The following FAM161B variants were observed in gnomAD, a reference collection of about 807,000 sequenced individuals.
FAM161B encodes protein FAM161B.
A neutral mutation model predicts 61.5 loss-of-function variants in FAM161B; 46 were observed. The observed-to-expected ratio is 0.75, with a 90% CI of 0.59 to 0.96. FAM161B has a LOEUF of 0.96. Among genes scored for constraint, FAM161B ranks in the 40% least tolerant of loss-of-function variants. The probability of loss-of-function intolerance (pLI) is 0.00; values close to 1 mark genes in which losing one functional copy is unlikely to be tolerated. For synonymous variants in FAM161B, 284 were observed against 302.7 expected (o/e 0.94, Z 0.64); for missense variants, 774 against 800.7 (o/e 0.97, Z 0.40).
chr14:73,948,616 A>G (rs1212110753), intron 1 of FAM161B, among the ~76,000 whole-genome samples: 1 of 152,224 alleles, frequency 6.6e-6, no homozygotes, highest in Non-Finnish European at 1.5e-5. Flanking sequence ...TTTCTATACA[A>G]TATATTCACT....
chr14:73,924,694 TG>T, the FAM161B span: 1 of 449,812 alleles, frequency 2.2e-6, no homozygotes, highest in South Asian at 1.6e-5. Flanking sequence ...TTTTTTTTTT[TG>T]AGACAGAGTC....
chr14:73,946,790 T>C (rs2056071474), intron 1 of FAM161B, among the ~76,000 whole-genome samples, 185 bp from the exon 2 acceptor site: 1 of 152,220 alleles, frequency 6.6e-6, no homozygotes, highest in African/African-American at 2.4e-5. Context: ...AAATAAGGTG[T>C]GTTTCTTGGT....
rs770935169 is a variant in FAM161B, at chr14:73,934,444, CAG to C, written c.1806-52_1806-51del. ...AAACAAAAAAAATTTTTTTTTCAGA[CAG>C]GGTCTCACTCTCACCCAGGCTGGAG... is the stretch of plus-strand genomic sequence containing the variant. On this transcript the variant is annotated intron_variant, in intron 8 of 8. Coordinates refer to ENST00000286544, the MANE Select transcript of FAM161B (RefSeq NM_152445.3). The C allele has an allele frequency of 5.2e-6, 8 of 1,552,138 alleles. No homozygotes were observed. In the African/African-American group the frequency reaches 5.5e-5, roughly 11 times the overall value.
chr14:73,924,987 CATT>C, the FAM161B span, among the ~76,000 whole-genome samples: 92 of 152,272 alleles, frequency 6.0e-4, no homozygotes, highest in African/African-American at 2.1e-3. Context: ...TTCTTCTTTT[CATT>C]ATAACCTTTA....
At position 73,942,533 on chromosome 14, in the gene FAM161B, GA is replaced by G. The variant is rs1424666229; in HGVS notation, c.1107del (p.Pro370LeufsTer34). The G allele has an allele frequency of 1.9e-5, 31 of 1,614,218 alleles. No homozygotes were observed. Among genetic ancestry groups the G allele is most frequent in the Non-Finnish European group, 2.5e-5 (30 of 1,180,040 alleles). ...AGGCCCTCATAGTCAGGGACCACAG[GA>G]TTCACCCGAGGCTGGAATCTGAAGT... The part of the protein sequence containing the change: ...HTNFRFQPRV[N>X]PVVPDYEGLY... On this transcript the variant is annotated frameshift_variant, in exon 4 of 9. Transcript: ENST00000286544. LOFTEE classifies it high-confidence loss of function.
At chr14:73,931,834 T>C, downstream of FAM161B, 1 of 444,604 alleles carries the variant, frequency 2.2e-6, no homozygotes, top group Non-Finnish European at 4.3e-6. Flanking sequence ...TGATTATGTG[T>C]TGGCTGAAGT....
chr14:73,940,852 G>A, intron 5 of FAM161B, 74 bp downstream of exon 5: 2 of 1,529,380 alleles, frequency 1.3e-6, no homozygotes, highest in Non-Finnish European at 8.8e-7. Context: ...AGGAAAGGAG[G>A]CCCCTTGGCA....
At chr14:73,932,118 A>G (rs546299626), downstream of FAM161B, 16 of 439,124 alleles carry the variant, frequency 3.6e-5, no homozygotes, top group African/African-American at 8.1e-5. Context: ...CTGAGGTACT[A>G]TCTTGTCCTA....
intron 8 of FAM161B, among the ~76,000 whole-genome samples, chr14:73,935,664 TAAAGTAG>T (rs1566672603): frequency 6.6e-6 from 1 of 152,104 alleles, no homozygotes; most frequent in Non-Finnish European, 1.5e-5. Flanking sequence ...TCTTCAAAAA[TAAAGTAG>T]AAATAGTTTC....
At chr14:73,945,123 TGA>T (rs1371534714) in intron 2 of FAM161B, among the ~76,000 whole-genome samples, 2 of 152,194 alleles carry the variant, frequency 1.3e-5, no homozygotes, top group Non-Finnish European at 2.9e-5. Flanking sequence ...ATATTTCATA[TGA>T]GAGAGAGAAC....
chr14:73,927,691 A>C (rs999151863), downstream of FAM161B, among the ~76,000 whole-genome samples: 2 of 152,178 alleles, frequency 1.3e-5, no homozygotes, highest in Admixed American at 6.5e-5. Context: ...GGTACTAGTT[A>C]TACAATAGTA....
chr14:73,936,368 G>A (rs1004962101), intron 7 of FAM161B, among the ~76,000 whole-genome samples: 1 of 152,068 alleles, frequency 6.6e-6, no homozygotes, highest in Non-Finnish European at 1.5e-5. Context: ...CTGTTGATTT[G>A]GGAGTCACAA....
chr14:73,944,686 G>A lies in FAM161B; in HGVS notation c.574C>T (p.Pro192Ser), dbSNP rs1320985314. Reference protein sequence around the residue: ...ARKKAEWLGSPASFEQERQRA... With the variant: ...ARKKAEWLGSSASFEQERQRA... Reference sequence around the variant, plus strand: ...TGCCTCTCCTGCTCAAAGGAGGCAGGTGAGCCCAGCCACTCGGCCTTCTTC... The same window carrying A: ...TGCCTCTCCTGCTCAAAGGAGGCAGATGAGCCCAGCCACTCGGCCTTCTTC... Residue 192 changes from proline (P) to serine (S), a missense_variant, in exon 3 of 9, where the codon CCT becomes TCT. Physicochemically the swap from Pro to Ser is moderately conservative, Grantham distance 74. Transcript: ENST00000286544. 6.2e-7 allele frequency: 1 copy of A among 1,609,386 alleles called. No individual in the cohort carries two copies. Among genetic ancestry groups the A allele is most frequent in the South Asian group, 1.1e-5 (1 of 90,964 alleles).
In FAM161B at chr14:73,937,633, G is replaced by A. The variant is rs1309567097; in HGVS notation, c.1634C>T (p.Thr545Ile). The change falls in exon 7 of 9, where the codon ACA becomes ATA. Residue 545 changes from threonine (T) to isoleucine (I), a missense_variant. Coordinates refer to ENST00000286544, the MANE Select transcript of FAM161B (RefSeq NM_152445.3). ...ELEEMKQRIQ[T>I]RPYLFEQVAK... ...AACTTGTTCAAAGAGATAGGGCCTTGTTTGTATTCGCTGCTTCATTTCCTC... is the reference window on the plus strand; with the variant it reads ...AACTTGTTCAAAGAGATAGGGCCTTATTTGTATTCGCTGCTTCATTTCCTC... 6.2e-7 allele frequency: 1 copy of A among 1,613,966 alleles called. No homozygotes were observed. Among genetic ancestry groups the A allele is most frequent in the African/African-American group, 1.3e-5 (1 of 74,920 alleles).
Position 73,932,546 on chromosome 14 carries a change from TTGAGAAA to T in FAM161B, c.*1703_*1709del. 2.3e-6 allele frequency: 1 copy of T among 441,170 alleles called. No individual in the cohort carries two copies. The highest frequency in any genetic ancestry group is 2.6e-5 in the Admixed American group (1 of 38,268). The allele number at this position is 441,170 out of a possible 1,614,324, so 27.3% of individuals were successfully genotyped here. Reference sequence around the variant, plus strand: ...ACAAAGATAGTTTTTTTAAAAAAGCTTGAGAAAGGTGCTTTAGTTAGAGCAGGCACTC... The same window carrying T: ...ACAAAGATAGTTTTTTTAAAAAAGCTGGTGCTTTAGTTAGAGCAGGCACTC... On this transcript the variant is annotated 3_prime_UTR_variant, in exon 9 of 9. Coordinates refer to ENST00000286544, the MANE Select transcript of FAM161B (RefSeq NM_152445.3).
intron 4 of FAM161B, 55 bp from the exon 5 acceptor site, chr14:73,941,108 CTTTTTTTTTTTTT>C: frequency 3.1e-6 from 3 of 955,300 alleles, no homozygotes; most frequent in Non-Finnish European, 4.0e-6. Flanking sequence ...TAGTTTCTAT[CTTTTTTTTTTTTT>C]TTTTTTTTTG....
Position 73,946,329 on chromosome 14 carries a change from T to C in FAM161B, c.331A>G (p.Lys111Glu), listed in dbSNP as rs2056066153. The change falls in exon 2 of 9, where the codon AAG (lysine) becomes GAG (glutamate). Residue 111 changes from lysine to glutamate, a missense_variant. Lys to Glu is a moderately conservative substitution (Grantham distance 56, BLOSUM62 1). Transcript: ENST00000286544. Reference sequence around the variant, plus strand: ...TGGACCTGCACCATCCCCCTGTCCTTGTCTTGGAAGAAACTCTCCAGGTCC... The same window carrying C: ...TGGACCTGCACCATCCCCCTGTCCTCGTCTTGGAAGAAACTCTCCAGGTCC... ...EEDLESFFQD[K>E]DRGMVQVQCP... The C allele has an allele frequency of 3.1e-6, 5 of 1,614,068 alleles. No homozygotes were observed. The highest frequency in any genetic ancestry group is 3.3e-5 in the Admixed American group (2 of 60,000).
At chr14:73,935,519 ACTCTGT>A (rs1288419229) in intron 8 of FAM161B, among the ~76,000 whole-genome samples, 1 of 147,004 alleles carries the variant, frequency 6.8e-6, no homozygotes, top group East Asian at 2.0e-4. Context: ...ACAGAGTGAG[ACTCTGT>A]CTCAAAAAAA....
At chr14:73,943,650 G>A (rs907234550) in intron 3 of FAM161B, among the ~76,000 whole-genome samples, 2 of 152,014 alleles carry the variant, frequency 1.3e-5, no homozygotes, top group Non-Finnish European at 2.9e-5. Context: ...ACTTTCTCAG[G>A]GGACCTTCCC....
Sources: allele counts gnomAD v4.1 joint callset (sites outside exome capture counted in the v4.1 genomes callset), GRCh38; gene constraint gnomAD v4.1.1; transcripts MANE v1.5; gene names NCBI Gene and HGNC (gene_info 2026-07-23, HGNC 2026-07-21).